Variants in ADAMTSL1 observed in about 807,000 individuals in gnomAD.
ADAMTSL1 encodes ADAMTS-like protein 1.
In ADAMTSL1, 126 loss-of-function variants were observed where a neutral mutation model predicts 201.8. The observed-to-expected ratio is 0.62, with a 90% CI of 0.54 to 0.72. The LOEUF is 0.72. ADAMTSL1 is among the 30% of genes least tolerant of loss of function. The probability of loss-of-function intolerance (pLI) is 0.00; values close to 1 mark genes in which losing one functional copy is unlikely to be tolerated. For missense variants in ADAMTSL1, 2,679 were observed against 2,277.8 expected (o/e 1.18, Z -3.59); for synonymous variants, 1,121 against 903.4 (o/e 1.24, Z -4.32).
rs530356052 is a variant in ADAMTSL1, at chr9:17,962,001, G to A, written c.87+55079G>A. Reference sequence around the variant, plus strand: ...TTGTGGTGTAGAGACACATTGACTTGCAGCAGGAAGATTTGATTATCTTTA... The same window carrying A: ...TTGTGGTGTAGAGACACATTGACTTACAGCAGGAAGATTTGATTATCTTTA... On this transcript the variant is annotated intron_variant, in intron 1 of 29. Transcript: ENST00000680146. 8.5e-5 allele frequency among the ~76,000 whole-genome samples: 13 copies of A among 152,272 alleles called. No homozygotes were observed. In the East Asian group the frequency reaches 2.5e-3, roughly 29 times the overall value.
chr9:18,371,560 T>C (rs1462366135), intron 2 of ADAMTSL1, among the ~76,000 whole-genome samples: 1 of 152,242 alleles, frequency 6.6e-6, no homozygotes. Context: ...TTTATTATTG[T>C]GATAGGTTTA....
rs368953931 is a variant in ADAMTSL1 at position 18,562,876 on chromosome 9, A to G, written c.238-11154A>G. Among the ~76,000 whole-genome samples, 262 of 152,270 alleles carry G rather than the reference A, an allele frequency of 1.7e-3. 1 individual carries two copies. The highest frequency in any genetic ancestry group is 5.2e-3 in the South Asian group (25 of 4,820). ...GTTTATCAGCACCATCAGGTCATTT[A>G]TGTTCTTCTCTAAACTGGTTATTCT... On this transcript the variant is annotated intron_variant, in intron 3 of 28. Coordinates refer to ENST00000380548, the MANE Select transcript of ADAMTSL1 (RefSeq NM_001040272.6).
intron 1 of ADAMTSL1, among the ~76,000 whole-genome samples, chr9:17,969,721 G>T (rs766491641): frequency 6.6e-6 from 1 of 152,004 alleles, no homozygotes; most frequent in Non-Finnish European, 1.5e-5. Flanking sequence ...TTTAGAAAGT[G>T]TTCTTAGAGA....
chr9:18,090,171 C>T (rs1823947345), intron 1 of ADAMTSL1, among the ~76,000 whole-genome samples: 3 of 152,028 alleles, frequency 2.0e-5, no homozygotes, highest in Non-Finnish European at 4.4e-5. Flanking sequence ...GTTGCAGCTC[C>T]CTTACAAATA....
intron 1 of ADAMTSL1, among the ~76,000 whole-genome samples, chr9:18,130,509 C>T (rs1200768743): frequency 6.6e-6 from 1 of 152,098 alleles, no homozygotes; most frequent in Non-Finnish European, 1.5e-5. Context: ...ATGGAGCATT[C>T]TTTCAGTTGT....
At chr9:18,730,499 C>T (rs1818152383) in intron 15 of ADAMTSL1, among the ~76,000 whole-genome samples, 1 of 152,246 alleles carries the variant, frequency 6.6e-6, no homozygotes, top group Admixed American at 6.5e-5. Context: ...AAAGATCTGT[C>T]ACAAAGCAGA....
chr9:18,132,415 A>T (rs1398479286), intron 1 of ADAMTSL1, among the ~76,000 whole-genome samples: 1 of 152,182 alleles, frequency 6.6e-6, no homozygotes, highest in Non-Finnish European at 1.5e-5. Flanking sequence ...CCATCATCCC[A>T]AACTGAAACT....
At chr9:18,769,591 C>T (rs902304297) in intron 16 of ADAMTSL1, among the ~76,000 whole-genome samples, 1 of 152,176 alleles carries the variant, frequency 6.6e-6, no homozygotes, top group Non-Finnish European at 1.5e-5. Flanking sequence ...AGGCTTCTAA[C>T]TTTTTGTTTG....
chr9:18,778,708 T>G (rs1821209908), intron 19 of ADAMTSL1, among the ~76,000 whole-genome samples: 8 of 152,270 alleles, frequency 5.3e-5, no homozygotes, highest in Admixed American at 5.2e-4. Flanking sequence ...ACTCTTTATG[T>G]GTTTTATCTC....
At chr9:18,742,437 A>G (rs563975847) in intron 15 of ADAMTSL1, among the ~76,000 whole-genome samples, 120 of 152,346 alleles carry the variant, frequency 7.9e-4, no homozygotes, top group African/African-American at 2.7e-3. Flanking sequence ...ACATTTAAGC[A>G]AAGAGAATTG....
chr9:18,675,927 TG>T lies in ADAMTSL1; in HGVS notation c.1136+21del. On this transcript the variant is annotated intron_variant, in intron 10 of 28. Coordinates refer to ENST00000380548, the MANE Select transcript of ADAMTSL1 (RefSeq NM_001040272.6). ...TCCTCGGTACGTAAATCAATCATCC[TG>T]ATGTTAGAATTAGCAAATTAGTCTT... 1 of 1,609,688 alleles carries T rather than the reference TG, an allele frequency of 6.2e-7. No homozygotes were observed. The highest frequency in any genetic ancestry group is 1.1e-5 in the South Asian group (1 of 90,978).
intron 19 of ADAMTSL1, 150 bp from the exon 20 acceptor site, chr9:18,795,247 G>A: frequency 7.9e-6 from 8 of 1,011,402 alleles, no homozygotes; most frequent in South Asian, 5.1e-5. Context: ...GAGAGCACAG[G>A]TTCTTGATTG....
At chr9:18,531,907 G>A (rs1013074908) in intron 2 of ADAMTSL1, among the ~76,000 whole-genome samples, 14 of 152,130 alleles carry the variant, frequency 9.2e-5, no homozygotes, top group African/African-American at 3.1e-4. Flanking sequence ...TAACAGTTGT[G>A]TCATTTTGGC....
intron 2 of ADAMTSL1, among the ~76,000 whole-genome samples, chr9:18,334,078 T>C (rs963151181): frequency 2.0e-5 from 3 of 152,094 alleles, no homozygotes; most frequent in African/African-American, 7.2e-5. Context: ...ATCCTTGAAG[T>C]TTGGACAAGT....
At chr9:18,640,388 T>C (rs138366127) in intron 7 of ADAMTSL1, among the ~76,000 whole-genome samples, 2 of 152,262 alleles carry the variant, frequency 1.3e-5, no homozygotes, top group African/African-American at 4.8e-5. Flanking sequence ...AAGATGTCTT[T>C]ATTCTTTGAA....
chr9:18,596,916 T>C (rs557543436), intron 4 of ADAMTSL1, among the ~76,000 whole-genome samples: 1 of 152,174 alleles, frequency 6.6e-6, no homozygotes, highest in Non-Finnish European at 1.5e-5. Flanking sequence ...TGTAAGTCCT[T>C]CAGCAAAACT....
At chr9:17,952,048 C>T (rs771426491) in intron 1 of ADAMTSL1, among the ~76,000 whole-genome samples, 4 of 151,924 alleles carry the variant, frequency 2.6e-5, no homozygotes, top group African/African-American at 4.8e-5. Context: ...GCAATTTTCC[C>T]GCATCAGCCT....
In ADAMTSL1 at chr9:18,884,708, A is replaced by G. The variant is rs538398172; in HGVS notation, c.4250-3123A>G. ...ACCTTGTCAAAAATCATTTGACTAC[A>G]TATTTAAAAGTCTGTTTCCGGTCTC... On this transcript the variant is annotated intron_variant, in intron 23 of 28. Transcript: ENST00000380548. Among the ~76,000 whole-genome samples, 6 of 152,300 alleles carry G rather than the reference A, an allele frequency of 3.9e-5. No homozygotes were observed. The South Asian group carries it at 1.0e-3, about 26-fold the overall frequency.
At chr9:18,403,019 T>A (rs1010478172) in intron 2 of ADAMTSL1, among the ~76,000 whole-genome samples, 9 of 152,186 alleles carry the variant, frequency 5.9e-5, no homozygotes, top group Admixed American at 1.3e-4. Flanking sequence ...TGTGACTTGA[T>A]TAACCCAAGA....
Sources: gnomAD v4.1 joint callset for allele counts (sites outside exome capture counted in the v4.1 genomes callset) on GRCh38, gnomAD v4.1.1 for gene constraint, MANE v1.5 for transcripts, NCBI Gene and HGNC (gene_info 2026-07-23, HGNC 2026-07-21) for gene names.